The following ERI1 variants were observed in gnomAD, a reference collection of about 807,000 sequenced individuals.
The protein encoded by ERI1 is 3'-5' exoribonuclease 1.
Under a neutral mutation model 39.7 loss-of-function variants are expected in ERI1, and 39 were observed. That is an observed-to-expected ratio of 0.98 (90% CI 0.76 to 1.28). The LOEUF (loss-of-function observed/expected upper bound fraction) is 1.28. Among genes scored for constraint, ERI1 ranks in the 50% most tolerant of loss-of-function variants. The pLI, the probability that ERI1 is intolerant of heterozygous loss-of-function variation, is 0.00. For missense variants in ERI1, 581 were observed against 416.9 expected (o/e 1.39, Z -3.43); for synonymous variants, 204 against 149.6 (o/e 1.36, Z -2.65).
At chr8:9,066,356 G>A (rs1187356133) in intron 3 of ERI1, among the ~76,000 whole-genome samples, 1 of 152,188 alleles carries the variant, frequency 6.6e-6, no homozygotes, top group African/African-American at 2.4e-5. Flanking sequence ...GTGACACAGC[G>A]GGCTCCCCGG....
chr8:9,004,880 G>T (rs955334042), intron 1 of ERI1, among the ~76,000 whole-genome samples: 1 of 151,868 alleles, frequency 6.6e-6, no homozygotes, highest in African/African-American at 2.4e-5. Flanking sequence ...TAGAGATGGG[G>T]TTTCACCATG....
chr8:9,018,836 C>T (rs1817583880), intron 5 of ERI1, among the ~76,000 whole-genome samples: 1 of 152,150 alleles, frequency 6.6e-6, no homozygotes, highest in Admixed American at 6.5e-5. Flanking sequence ...TTACTTATGC[C>T]TCCCTCTGTA....
chr8:9,024,928 C>T (rs553585333), intron 6 of ERI1, among the ~76,000 whole-genome samples: 1 of 136,160 alleles, frequency 7.3e-6, no homozygotes, highest in Admixed American at 8.4e-5. Context: ...TGCCTTTGCT[C>T]TTCATGCATG....
rs757938516 is a variant in ERI1, at chr8:9,020,313, T to G, written c.693-37T>G. On this transcript the variant is annotated intron_variant, in intron 5 of 6. Transcript: ENST00000250263. ...CTCATTTGTAAGAATAGCATAGCGTTTATTTCATCAATTTTTTGTCCTTTT... is the reference window on the plus strand; with the variant it reads ...CTCATTTGTAAGAATAGCATAGCGTGTATTTCATCAATTTTTTGTCCTTTT... The G allele has an allele frequency of 5.0e-6, 6 of 1,197,134 alleles. No homozygotes were observed. The Admixed American group carries it at 9.4e-5, about 19-fold the overall frequency. 74.2% of individuals were successfully genotyped at this position (1,197,134 alleles called of 1,614,324 possible).
At chr8:9,089,891 G>A (rs1426594282) in intron 3 of ERI1, among the ~76,000 whole-genome samples, 1 of 151,626 alleles carries the variant, frequency 6.6e-6, no homozygotes, top group African/African-American at 2.4e-5. Context: ...TTGGGAGGAG[G>A]AGGATGTGAA....
Position 9,055,063 on chromosome 8 carries a change from G to A in ERI1, n.299+34599G>A, listed in dbSNP as rs756818198. ...AGTTTAATTGAGTAAACAACAATTC[G>A]CGAATCAGCAGCTGCCTGAGCCAGA... On this transcript the variant is annotated intron_variant and non_coding_transcript_variant, in intron 3 of 3. Transcript: ENST00000518663. Among the ~76,000 whole-genome samples the A allele has an allele frequency of 4.6e-5, 7 of 152,132 alleles. No individual in the cohort carries two copies. In the South Asian group the frequency reaches 6.2e-4, roughly 14 times the overall value.
chr8:9,097,639 A>G (rs546279576), intron 3 of ERI1, among the ~76,000 whole-genome samples: 1 of 149,814 alleles, frequency 6.7e-6, no homozygotes, highest in African/African-American at 2.5e-5. Context: ...ACTGCACTCC[A>G]GCCTAGGTGA....
downstream of ERI1, among the ~76,000 whole-genome samples, chr8:9,035,837 A>G (rs771406741): frequency 3.3e-5 from 5 of 152,242 alleles, no homozygotes; most frequent in African/African-American, 7.2e-5. Flanking sequence ...TCACCATTCT[A>G]TTCTGAATGC....
At chr8:9,073,962 T>C (rs1799132052) in intron 3 of ERI1, among the ~76,000 whole-genome samples, 1 of 152,202 alleles carries the variant, frequency 6.6e-6, no homozygotes, top group Admixed American at 6.5e-5. Context: ...TTTTAATTTT[T>C]ATCCTTACAG....
At chr8:9,078,691 C>T (rs896874562) in intron 3 of ERI1, among the ~76,000 whole-genome samples, 7 of 152,212 alleles carry the variant, frequency 4.6e-5, no homozygotes, top group Non-Finnish European at 8.8e-5. Context: ...ATTCTCAGGT[C>T]CACCCAGACC....
intron 6 of ERI1, among the ~76,000 whole-genome samples, chr8:9,029,349 G>C (rs889309338): frequency 1.3e-5 from 2 of 151,818 alleles, no homozygotes; most frequent in African/African-American, 4.8e-5. Context: ...GGGTTTTTTT[G>C]ATGGAGTCTC....
chr8:9,040,413 C>T (rs1280114831), intron 3 of ERI1, among the ~76,000 whole-genome samples: 1 of 152,124 alleles, frequency 6.6e-6, no homozygotes, highest in Non-Finnish European at 1.5e-5. Flanking sequence ...TCTCTGTGTT[C>T]GCTAACGCCT....
intron 3 of ERI1, among the ~76,000 whole-genome samples, chr8:9,090,689 G>T (rs1005835123): frequency 2.0e-5 from 3 of 152,140 alleles, no homozygotes; most frequent in African/African-American, 4.8e-5. Flanking sequence ...TATGTCCTCA[G>T]TTATAGATTG....
At chr8:9,089,179 C>T (rs908618466) in intron 3 of ERI1, among the ~76,000 whole-genome samples, 7 of 152,204 alleles carry the variant, frequency 4.6e-5, no homozygotes, top group African/African-American at 1.7e-4. Flanking sequence ...CTCACCTGTG[C>T]TTCTTTGTTG....
chr8:9,040,911 G>C (rs570673069), intron 3 of ERI1, among the ~76,000 whole-genome samples: 2 of 152,122 alleles, frequency 1.3e-5, no homozygotes, highest in Non-Finnish European at 2.9e-5. Flanking sequence ...TTTAGATAAA[G>C]TCAGTAACAC....
At chr8:9,051,447 A>C (rs1304441711) in intron 3 of ERI1, among the ~76,000 whole-genome samples, 1 of 152,132 alleles carries the variant, frequency 6.6e-6, no homozygotes, top group Non-Finnish European at 1.5e-5. Context: ...CCTTGAGGTC[A>C]GGAGTTCGAG....
chr8:9,004,202 A>G (rs1204737872), intron 1 of ERI1: 6 of 1,283,500 alleles, frequency 4.7e-6, no homozygotes, highest in African/African-American at 1.5e-5. Context: ...TAAGGTTGTT[A>G]TTTCAAAGAG....
At chr8:9,098,806 A>G (rs1799960104) in intron 3 of ERI1, among the ~76,000 whole-genome samples, 1 of 152,184 alleles carries the variant, frequency 6.6e-6, no homozygotes, top group Admixed American at 6.5e-5. Context: ...CAAATTGCAC[A>G]TATTTCAAAT....
downstream of ERI1, among the ~76,000 whole-genome samples, chr8:9,036,787 G>C (rs1563347335): frequency 6.6e-6 from 1 of 152,152 alleles, no homozygotes; most frequent in Non-Finnish European, 1.5e-5. Context: ...GGTGATGGCA[G>C]ATTGATGGAG....
Sources: gnomAD v4.1 joint callset for allele counts (sites outside exome capture counted in the v4.1 genomes callset) on GRCh38, gnomAD v4.1.1 for gene constraint, MANE v1.5 for transcripts, NCBI Gene and HGNC (gene_info 2026-07-23, HGNC 2026-07-21) for gene names.